MARCHF1: variants seen among roughly 807,000 people sequenced by gnomAD.
The protein encoded by MARCHF1 is membrane associated ring-CH-type finger 1.
A neutral mutation model predicts 54.2 loss-of-function variants in MARCHF1; 40 were observed. The ratio of observed to expected loss-of-function variants is 0.74; its 90% confidence interval spans 0.57 to 0.96. MARCHF1 has a LOEUF of 0.96. MARCHF1 is among the 40% of genes least tolerant of loss of function. The pLI is 0.00. For synonymous variants in MARCHF1, 236 were observed against 236.3 expected, an observed-to-expected ratio of 1.00 and a Z score of 0.01; for missense variants, 586 against 656.5, an observed-to-expected ratio of 0.89 and a Z score of 1.17.
At chr4:164,127,079 A>AAAACAAAACAAAACAAACC (rs1756200589) in intron 1 of MARCHF1, among the ~76,000 whole-genome samples, 1 of 137,658 alleles carries the variant, frequency 7.3e-6, no homozygotes, top group East Asian at 2.1e-4. Context: ...AAAACAAAAC[A>AAAACAAAACAAAACAAACC]AAGAGGAATA....
Position 164,280,367 on chromosome 4 carries a change from T to C in MARCHF1, c.-323+103503A>G, listed in dbSNP as rs796377518. On this transcript the variant is annotated intron_variant, in intron 1 of 9. Transcript: ENST00000514618. ...TCCAACACAATAATAGAAAAATCAA[T>C]GGAATTGCATAGAAAGAGAGAAAGA... Among the ~76,000 whole-genome samples, 19 of 152,040 alleles carry C rather than the reference T, an allele frequency of 1.2e-4. No individual in the cohort carries two copies. The East Asian group carries it at 3.7e-3, about 29-fold the overall frequency.
chr4:164,036,560 G>T (rs572040024), intron 2 of MARCHF1, among the ~76,000 whole-genome samples: 1 of 152,142 alleles, frequency 6.6e-6, no homozygotes, highest in Non-Finnish European at 1.5e-5. Context: ...CACACAATTT[G>T]CTTTGTTGTA....
chr4:164,214,972 C>T (rs1364402509), intron 1 of MARCHF1, among the ~76,000 whole-genome samples: 1 of 152,172 alleles, frequency 6.6e-6, no homozygotes, highest in Admixed American at 6.5e-5. Context: ...GGGCTCTGAC[C>T]CCACGGCAGT....
At chr4:164,325,051 T>C (rs1243704643) in intron 1 of MARCHF1, among the ~76,000 whole-genome samples, 1 of 151,952 alleles carries the variant, frequency 6.6e-6, no homozygotes, top group Non-Finnish European at 1.5e-5. Flanking sequence ...CCTTATAAGA[T>C]ATTACAAGAT....
intron 1 of MARCHF1, among the ~76,000 whole-genome samples, chr4:164,179,571 C>T (rs961740863): frequency 1.3e-5 from 2 of 151,974 alleles, no homozygotes; most frequent in East Asian, 1.9e-4. Context: ...AATAAACCTC[C>T]CTTCAAAAAA....
At chr4:163,895,893 G>A (rs1299095577) in intron 3 of MARCHF1, among the ~76,000 whole-genome samples, 1 of 152,040 alleles carries the variant, frequency 6.6e-6, no homozygotes, top group East Asian at 1.9e-4. Flanking sequence ...CATGCAGTAA[G>A]CATGACCCCC....
At chr4:164,368,209 C>A (rs1730934746) in intron 1 of MARCHF1, among the ~76,000 whole-genome samples, 3 of 147,910 alleles carry the variant, frequency 2.0e-5, no homozygotes, top group Non-Finnish European at 3.0e-5. Context: ...AAAAAAAAAT[C>A]TTTGGTAATA....
chr4:164,294,171 C>A (rs1734355881), intron 1 of MARCHF1, among the ~76,000 whole-genome samples: 1 of 152,222 alleles, frequency 6.6e-6, no homozygotes, highest in African/African-American at 2.4e-5. Flanking sequence ...AGGCCTTCGG[C>A]CACAGACTGA....
intron 4 of MARCHF1, among the ~76,000 whole-genome samples, chr4:163,846,506 G>A (rs1333776947): frequency 1.3e-5 from 2 of 152,082 alleles, no homozygotes; most frequent in East Asian, 3.9e-4. Context: ...TGAGGAGGAT[G>A]TCACTGGTAA....
chr4:163,729,219 A>T (rs1456419529), intron 4 of MARCHF1, among the ~76,000 whole-genome samples: 1 of 152,118 alleles, frequency 6.6e-6, no homozygotes, highest in African/African-American at 2.4e-5. Flanking sequence ...AGGAAACAAA[A>T]AAAGAAAATG....
intron 1 of MARCHF1, among the ~76,000 whole-genome samples, chr4:164,340,238 CTT>C (rs913330880): frequency 7.0e-6 from 1 of 141,938 alleles, no homozygotes. Flanking sequence ...ACTCATTTTT[CTT>C]TTTTTTTTTT....
At chr4:164,310,435 A>G (rs971260712) in intron 1 of MARCHF1, among the ~76,000 whole-genome samples, 2 of 152,140 alleles carry the variant, frequency 1.3e-5, no homozygotes, top group African/African-American at 2.4e-5. Flanking sequence ...ATTCAAAGAA[A>G]CAAACACATA....
Position 163,977,372 on chromosome 4 carries a change from A to C in MARCHF1, c.-39+11129T>G, listed in dbSNP as rs1752669278. 2.6e-5 allele frequency among the ~76,000 whole-genome samples: 4 copies of C among 152,158 alleles called. No homozygotes were observed. In the South Asian group the frequency reaches 8.3e-4, roughly 32 times the overall value. On this transcript the variant is annotated intron_variant, in intron 3 of 9. Transcript: ENST00000514618. ...TCCACAGCTTAAGGCACCTGGGGGGAAATGACCACCTCCCTTGTTGACATC... is the reference window on the plus strand; with the variant it reads ...TCCACAGCTTAAGGCACCTGGGGGGCAATGACCACCTCCCTTGTTGACATC...
In MARCHF1 at chr4:163,911,605, C is replaced by T. The variant is rs542357088; in HGVS notation, c.-38-57436G>A. Among the ~76,000 whole-genome samples the T allele has an allele frequency of 1.2e-4, 19 of 152,244 alleles. No individual in the cohort carries two copies. In the East Asian group the frequency reaches 3.1e-3, roughly 25 times the overall value. The stretch of plus-strand genomic sequence containing the variant: ...AAAATAAGCATGTTATGGGCTGAAT[C>T]GTGTCACTCCAAAATTCTTATGTTG... On this transcript the variant is annotated intron_variant, in intron 3 of 9. Coordinates refer to ENST00000514618, the MANE Select transcript of MARCHF1 (RefSeq NM_001394959.1).
intron 1 of MARCHF1, among the ~76,000 whole-genome samples, chr4:164,248,879 A>T (rs2111237338): frequency 6.6e-6 from 1 of 151,994 alleles, no homozygotes; most frequent in South Asian, 2.1e-4. Flanking sequence ...GGGCTAGGAA[A>T]TTTTAAATTT....
chr4:164,303,611 A>G (rs955722047), intron 1 of MARCHF1, among the ~76,000 whole-genome samples: 1 of 152,328 alleles, frequency 6.6e-6, no homozygotes, highest in South Asian at 2.1e-4. Context: ...TTTCTATATG[A>G]AATTATACTC....
intron 1 of MARCHF1, among the ~76,000 whole-genome samples, chr4:164,349,549 G>C (rs888501245): frequency 8.5e-5 from 13 of 152,082 alleles, no homozygotes; most frequent in Admixed American, 5.2e-4. Flanking sequence ...TCTAGTATTT[G>C]TCCAATATTA....
At chr4:163,992,655 G>A (rs1429997766) in intron 2 of MARCHF1, among the ~76,000 whole-genome samples, 3 of 151,102 alleles carry the variant, frequency 2.0e-5, no homozygotes, top group Non-Finnish European at 4.4e-5. Flanking sequence ...TAGTTATTAG[G>A]ATCACCACTT....
chr4:164,048,430 T>C (rs1019451760), intron 2 of MARCHF1, among the ~76,000 whole-genome samples: 1 of 152,154 alleles, frequency 6.6e-6, no homozygotes, highest in African/African-American at 2.4e-5. Flanking sequence ...ATCTGAATCA[T>C]CAAAATTGTC....
Sources: allele counts gnomAD v4.1 joint callset (sites outside exome capture counted in the v4.1 genomes callset), GRCh38; gene constraint gnomAD v4.1.1; transcripts MANE v1.5; gene names NCBI Gene and HGNC (gene_info 2026-07-23, HGNC 2026-07-21).